The following ESF1 variants were observed in gnomAD, a reference collection of about 807,000 sequenced individuals.
ESF1 encodes ESF1 nucleolar pre-rRNA processing protein.
Under a neutral mutation model 92.0 loss-of-function variants are expected in ESF1, and 58 were observed. The ratio of observed to expected loss-of-function variants is 0.63; its 90% CI spans 0.51 to 0.78. ESF1 has a LOEUF of 0.78. ESF1 is among the 30% of genes least tolerant of loss of function. The pLI, the probability that ESF1 is intolerant of heterozygous loss-of-function variation, is 0.00. For synonymous variants in ESF1, 321 were observed against 313.7 expected (o/e 1.02, Z -0.24); for missense variants, 922 against 989.1 (o/e 0.93, Z 0.91).
intron 10 of ESF1, among the ~76,000 whole-genome samples, chr20:13,730,706 T>A (rs1488250340): frequency 6.6e-6 from 1 of 151,416 alleles, no homozygotes; most frequent in Non-Finnish European, 1.5e-5. Flanking sequence ...TCTAAGAATT[T>A]TTTTTTTTTT....
chr20:13,779,391 T>TA (rs1280674163), intron 2 of ESF1, among the ~76,000 whole-genome samples: 1 of 152,222 alleles, frequency 6.6e-6, no homozygotes, highest in African/African-American at 2.4e-5. Context: ...ACCATATCCC[T>TA]AAATTTCTTT....
intron 9 of ESF1, among the ~76,000 whole-genome samples, chr20:13,745,545 G>A (rs148878384): frequency 5.1e-4 from 77 of 152,190 alleles, no homozygotes; most frequent in African/African-American, 1.5e-3. Context: ...TCCCCTTCCC[G>A]GGTTCAAGCG....
At chr20:13,750,923 C>T (rs1042486003) in intron 9 of ESF1, among the ~76,000 whole-genome samples, 1 of 152,058 alleles carries the variant, frequency 6.6e-6, no homozygotes, top group South Asian at 2.1e-4. Context: ...GAGTCATGAT[C>T]GAACCACTGC....
At chr20:13,726,963 C>G (rs2049904381) in intron 11 of ESF1, among the ~76,000 whole-genome samples, 1 of 152,174 alleles carries the variant, frequency 6.6e-6, no homozygotes, top group African/African-American at 2.4e-5. Context: ...TATAAGCAAG[C>G]AAATTTTATC....
intron 6 of ESF1, among the ~76,000 whole-genome samples, chr20:13,770,340 C>T (rs1032039758): frequency 6.6e-6 from 1 of 152,166 alleles, no homozygotes; most frequent in African/African-American, 2.4e-5. Context: ...AAGATCCAGA[C>T]TTCTGATAGT....
intron 9 of ESF1, among the ~76,000 whole-genome samples, chr20:13,740,250 TCA>T (rs1338133276): frequency 1.3e-5 from 2 of 151,946 alleles, no homozygotes; most frequent in African/African-American, 4.8e-5. Context: ...AACAATGAGA[TCA>T]CAATCAAACT....
intron 8 of ESF1, among the ~76,000 whole-genome samples, chr20:13,760,640 A>T (rs1979137549): frequency 6.7e-6 from 1 of 149,854 alleles, no homozygotes; most frequent in Non-Finnish European, 1.5e-5. Flanking sequence ...TCCGCCCGGC[A>T]GCCGCCCTGT....
chr20:13,755,461 T>G (rs190083926), intron 9 of ESF1, among the ~76,000 whole-genome samples: 6 of 152,320 alleles, frequency 3.9e-5, no homozygotes, highest in African/African-American at 1.2e-4. Flanking sequence ...TACACTTCAT[T>G]TATACGTGTA....
At chr20:13,740,371 A>G (rs924463546) in intron 9 of ESF1, among the ~76,000 whole-genome samples, 9 of 152,180 alleles carry the variant, frequency 5.9e-5, no homozygotes, top group Non-Finnish European at 1.2e-4. Flanking sequence ...AAAAGATCAG[A>G]CTAACAAAAG....
In ESF1 at chr20:13,766,939, TAAG is replaced by T; in HGVS notation, c.1519-18_1519-16del. On this transcript the variant is annotated splice_polypyrimidine_tract_variant and intron_variant, in intron 7 of 13. Transcript: ENST00000617257. Reference sequence around the variant, plus strand: ...GTGATTTCCACCTTTCACCAACAAATAAGAAAAAATAACACACGAAAATGGAAA... The same window carrying T: ...GTGATTTCCACCTTTCACCAACAAATAAAAAATAACACACGAAAATGGAAA... 6.2e-7 allele frequency: 1 copy of T among 1,601,984 alleles called. No individual in the cohort carries two copies. The highest frequency in any genetic ancestry group is 8.5e-7 in the Non-Finnish European group (1 of 1,174,530).
At chr20:13,752,837 G>C (rs1978701966) in intron 9 of ESF1, among the ~76,000 whole-genome samples, 1 of 152,092 alleles carries the variant, frequency 6.6e-6, no homozygotes, top group African/African-American at 2.4e-5. Flanking sequence ...GAAGAGTGGA[G>C]GAGGAAAAAG....
At chr20:13,725,987 A>C (rs545668826) in intron 11 of ESF1, among the ~76,000 whole-genome samples, 1 of 152,332 alleles carries the variant, frequency 6.6e-6, no homozygotes, top group East Asian at 1.9e-4. Flanking sequence ...AACCAAAAAC[A>C]GAAGTTATGC....
chr20:13,764,917 TAA>T (rs141430960), intron 8 of ESF1, among the ~76,000 whole-genome samples: 3 of 143,634 alleles, frequency 2.1e-5, no homozygotes, highest in South Asian at 2.2e-4. Context: ...TTTCAAACAT[TAA>T]AAAAAAAAAA....
chr20:13,731,603 G>C (rs1338868451), intron 10 of ESF1, among the ~76,000 whole-genome samples: 1 of 151,754 alleles, frequency 6.6e-6, no homozygotes, highest in Non-Finnish European at 1.5e-5. Flanking sequence ...GGGAAGAAGA[G>C]AGTTAGTTAG....
At chr20:13,716,721 G>A in intron 13 of ESF1, among the ~76,000 whole-genome samples, 1 of 145,480 alleles carries the variant, frequency 6.9e-6, no homozygotes, top group Non-Finnish European at 1.5e-5. Context: ...GCTCACTGCA[G>A]GCTTGACCTC....
rs147152604 is a variant in ESF1 at position 13,728,550 on chromosome 20, T to C, written c.1951-85A>G. The C allele has an allele frequency of 8.9e-4, 947 of 1,058,456 alleles. 5 individuals are homozygous for C. In the African/African-American group the frequency reaches 0.013, roughly 14 times the overall value. 65.6% of individuals were successfully genotyped at this position (1,058,456 alleles called of 1,614,324 possible). A position where few individuals can be genotyped will look rare whatever the true frequency, so the allele number is the denominator to read the frequency against. On this transcript the variant is annotated intron_variant, in intron 10 of 13. Coordinates refer to ENST00000617257, the MANE Select transcript of ESF1 (RefSeq NM_001276380.2). ...TACCAAGAAAAACTATGCATTTCTTTTAAACCAAGTAGTTCAATCTAAAAG... is the reference window on the plus strand; with the variant it reads ...TACCAAGAAAAACTATGCATTTCTTCTAAACCAAGTAGTTCAATCTAAAAG...
Position 13,733,737 on chromosome 20 carries a change from A to C in ESF1, c.1934T>G (p.Leu645Arg), listed in dbSNP as rs41275402. The C allele has an allele frequency of 6.1e-3, 9,911 of 1,611,722 alleles. 44 individuals are homozygous for C. Among genetic ancestry groups the C allele is most frequent in the Non-Finnish European group, 7.2e-3 (8,494 of 1,179,308 alleles). ...CAATGATACCTTCTGTTTCCTTTTC[A>C]GTCTTTTTTTCTCTTTCTTCTTCTC... ...FLEKKKEKKRLKRKQKALAEE... is the reference protein window; with the variant it reads ...FLEKKKEKKRRKRKQKALAEE... Residue 645 changes from leucine (L) to arginine (R), a missense_variant, in exon 10 of 14, where the codon CTG (leucine) becomes CGG (arginine). Physicochemically the swap from Leu to Arg is moderately radical, Grantham distance 102 (BLOSUM62 -2). Coordinates refer to ENST00000617257, the MANE Select transcript of ESF1 (RefSeq NM_001276380.2).
At chr20:13,738,388 A>C (rs1198003268) in intron 9 of ESF1, among the ~76,000 whole-genome samples, 1 of 150,596 alleles carries the variant, frequency 6.6e-6, no homozygotes, top group Admixed American at 6.6e-5. Context: ...ATCACAGCTC[A>C]CTGCAGCCTA....
In ESF1 at chr20:13,782,573, A is replaced by G. The variant is rs756504335; in HGVS notation, c.568T>C (p.Ser190Pro). ...GATTTCACAATTTCAGAGGTGCCTGAGTCTAATGTCCTTTGTTTTTCTTCG... is the reference window on the plus strand; with the variant it reads ...GATTTCACAATTTCAGAGGTGCCTGGGTCTAATGTCCTTTGTTTTTCTTCG... ...SLEEKQRTLD[S>P]GTSEIVKSPR... The change falls in exon 2 of 14, where the codon TCA becomes CCA. Residue 190 changes from serine (S) to proline (P), a missense_variant. Ser to Pro is a moderately conservative substitution (Grantham distance 74). Coordinates refer to ENST00000617257, the MANE Select transcript of ESF1 (RefSeq NM_001276380.2). 4.7e-5 allele frequency: 74 copies of G among 1,580,738 alleles called. No homozygotes were observed. The highest frequency in any genetic ancestry group is 5.8e-5 in the Non-Finnish European group (68 of 1,171,202).
Sources: allele counts gnomAD v4.1 joint callset (sites outside exome capture counted in the v4.1 genomes callset), GRCh38; gene constraint gnomAD v4.1.1; transcripts MANE v1.5; gene names NCBI Gene and HGNC (gene_info 2026-07-23, HGNC 2026-07-21).